Variants in SLC41A1 observed in about 807,000 individuals in gnomAD.
SLC41A1 encodes solute carrier family 41 (magnesium transporter), member 1.
In SLC41A1, 20 loss-of-function variants were observed where a neutral mutation model predicts 47.3. The ratio of observed to expected loss-of-function variants is 0.42; its 90% CI spans 0.30 to 0.61. The LOEUF is 0.61. SLC41A1 is among the 20% of genes least tolerant of loss of function. SLC41A1 has a pLI of 0.17. For missense variants in SLC41A1, 504 were observed against 674.1 expected, an observed-to-expected ratio of 0.75 and a Z score of 2.79; for synonymous variants, 282 against 272.7, an observed-to-expected ratio of 1.03 and a Z score of -0.34.
Position 205,798,483 on chromosome 1 carries a change from C to T in SLC41A1, c.844+186G>A, listed in dbSNP as rs556347769. Among the ~76,000 whole-genome samples, 7 of 152,286 alleles carry T rather than the reference C, an allele frequency of 4.6e-5. No individual in the cohort carries two copies. In the South Asian group the frequency reaches 1.2e-3, roughly 27 times the overall value. On this transcript the variant is annotated intron_variant, in intron 6 of 10. Transcript: ENST00000367137. ...TATACTTCTGATACTTTTCCCCTGC[C>T]CCTGATGCCTGCTTGAATTTGAGAT...
rs768515223 is a variant in SLC41A1 at position 205,797,911 on chromosome 1, T to C, written c.985A>G (p.Ile329Val). The C allele has an allele frequency of 3.1e-6, 5 of 1,614,144 alleles. No homozygotes were observed. Among genetic ancestry groups the C allele is most frequent in the Middle Eastern group, 1.7e-4 (1 of 6,040 alleles). The change falls in exon 7 of 11, where the codon ATC becomes GTC. Residue 329 changes from isoleucine to valine, a missense_variant. Ile to Val is a conservative substitution (Grantham distance 29, BLOSUM62 3). Transcript: ENST00000367137. ...GWEPVIIAMA[I>V]SSVGGLILDK... Reference sequence around the variant, plus strand: ...CTCAGGGCCCCAGCCTACCTGCTGATGGCCATGGCAATGATAACAGGCTCC... The same window carrying C: ...CTCAGGGCCCCAGCCTACCTGCTGACGGCCATGGCAATGATAACAGGCTCC...
At chr1:205,800,347 C>CT (rs1655850824) in intron 3 of SLC41A1, among the ~76,000 whole-genome samples, 2 of 152,340 alleles carry the variant, frequency 1.3e-5, no homozygotes, top group Admixed American at 6.5e-5. Flanking sequence ...ACTCTTGACC[C>CT]TGCAGGGAGA....
At chr1:205,797,679 CT>C (rs1281458282) in intron 7 of SLC41A1, among the ~76,000 whole-genome samples, 1 of 152,190 alleles carries the variant, frequency 6.6e-6, no homozygotes, top group Non-Finnish European at 1.5e-5. Flanking sequence ...AGGTATGTCG[CT>C]GAATTCAGCT....
At position 205,812,857 on chromosome 1, in the gene SLC41A1, C is replaced by T. The variant is rs1656191430; in HGVS notation, c.-696G>A. 2 of 985,366 alleles carry T rather than the reference C, an allele frequency of 2.0e-6. No individual in the cohort carries two copies. The highest frequency in any genetic ancestry group is 1.1e-4 in the East Asian group (1 of 8,776). 61.0% of individuals were successfully genotyped at this position (985,366 alleles called of 1,614,324 possible). On this transcript the variant is annotated 5_prime_UTR_variant, in exon 1 of 11. Transcript: ENST00000367137. ...GGGCGCCTGGCAAGTGGCAGCGTGG[C>T]CCGTGGTCTCGGGGGGTGCAGGGCA... is the stretch of plus-strand genomic sequence containing the variant.
chr1:205,812,644 G>A (rs1656184726), intron 1 of SLC41A1, 164 bp downstream of exon 1: 2 of 629,940 alleles, frequency 3.2e-6, no homozygotes, highest in Non-Finnish European at 4.0e-6. Context: ...TCCCAGGCGG[G>A]GACAAAAAAG....
At chr1:205,800,534 G>T (rs1229775222) in intron 3 of SLC41A1, among the ~76,000 whole-genome samples, 2 of 151,978 alleles carry the variant, frequency 1.3e-5, no homozygotes, top group Non-Finnish European at 2.9e-5. Context: ...GGATGGCCGG[G>T]GGGCTGGGGG....
chr1:205,794,273 G>A (rs536841682), intron 10 of SLC41A1, among the ~76,000 whole-genome samples: 2 of 152,292 alleles, frequency 1.3e-5, no homozygotes, highest in African/African-American at 2.4e-5. Flanking sequence ...CCCATGGAGG[G>A]AAATTGGGTA....
intron 10 of SLC41A1, among the ~76,000 whole-genome samples, chr1:205,793,708 A>AT (rs1655676573): frequency 6.6e-6 from 1 of 152,236 alleles, no homozygotes; most frequent in South Asian, 2.1e-4. Context: ...ATATGGAATG[A>AT]TCTCAAAGAT....
intron 2 of SLC41A1, among the ~76,000 whole-genome samples, chr1:205,803,941 G>A (rs991395171): frequency 5.9e-5 from 9 of 152,202 alleles, no homozygotes; most frequent in Middle Eastern, 3.4e-3. Context: ...AATTCATAGA[G>A]GCGGAAAGAA....
At chr1:205,800,875 G>C in intron 3 of SLC41A1, 78 bp downstream of exon 3, 2 of 1,344,248 alleles carry the variant, frequency 1.5e-6, no homozygotes, top group East Asian at 4.6e-5. Context: ...AGAAGGGCTC[G>C]TAGCCCTCTC....
Position 205,813,136 on chromosome 1 carries a change from C to T in SLC41A1, c.-975G>A. Reference sequence around the variant, plus strand: ...CGAGCTCACGCGCCCCCAATCGCTTCTTGCCCGCGGACTCGGGCCCAACTG... The same window carrying T: ...CGAGCTCACGCGCCCCCAATCGCTTTTTGCCCGCGGACTCGGGCCCAACTG... On this transcript the variant is annotated 5_prime_UTR_variant, in exon 1 of 11. Transcript: ENST00000367137. 1 of 985,646 alleles carries T rather than the reference C, an allele frequency of 1.0e-6. No homozygotes were observed. The highest frequency in any genetic ancestry group is 1.7e-5 in the African/African-American group (1 of 57,374). 61.1% of individuals were successfully genotyped at this position (985,646 alleles called of 1,614,324 possible).
chr1:205,802,923 C>A (rs1465248440), intron 2 of SLC41A1, among the ~76,000 whole-genome samples: 1 of 152,126 alleles, frequency 6.6e-6, no homozygotes, highest in Non-Finnish European at 1.5e-5. Context: ...AATCCCAGCA[C>A]TTTGGGAGGC....
intron 8 of SLC41A1, 25 bp from the exon 9 acceptor site, chr1:205,795,503 A>T: frequency 6.2e-7 from 1 of 1,614,044 alleles, no homozygotes; most frequent in Non-Finnish European, 8.5e-7. Context: ...ACGGGCTTAG[A>T]CACAGACAGA....
chr1:205,803,632 C>CTTTTTTTT (rs140199204), intron 2 of SLC41A1, among the ~76,000 whole-genome samples: 1 of 121,036 alleles, frequency 8.3e-6, no homozygotes, highest in African/African-American at 2.9e-5. Flanking sequence ...TAGTCAAATT[C>CTTTTTTTT]TTTTTTTTTT....
chr1:205,800,117 C>T (rs181886213), intron 3 of SLC41A1, among the ~76,000 whole-genome samples: 1 of 152,318 alleles, frequency 6.6e-6, no homozygotes, highest in Admixed American at 6.5e-5. Context: ...CTATCCTTTG[C>T]CCTGCTTATC....
At chr1:205,799,611 A>G (rs905425833) in intron 4 of SLC41A1, 148 bp downstream of exon 4, 6 of 860,210 alleles carry the variant, frequency 7.0e-6, no homozygotes, top group African/African-American at 6.7e-5. Flanking sequence ...TGGGTAACCT[A>G]GTTACCTCCT....
intron 2 of SLC41A1, among the ~76,000 whole-genome samples, chr1:205,801,669 T>C (rs892687401): frequency 6.6e-6 from 1 of 152,032 alleles, no homozygotes; most frequent in African/African-American, 2.4e-5. Context: ...CTCTGTGCAC[T>C]GCCTTACCCC....
intron 2 of SLC41A1, among the ~76,000 whole-genome samples, chr1:205,805,485 G>C (rs948706711): frequency 6.6e-6 from 1 of 152,150 alleles, no homozygotes; most frequent in African/African-American, 2.4e-5. Context: ...ATCCAGGCTA[G>C]GAGTATCTGC....
Position 205,810,532 on chromosome 1 carries a change from G to T in SLC41A1, c.-91C>A. The T allele has an allele frequency of 1.9e-6, 3 of 1,603,554 alleles. No individual in the cohort carries two copies. Among genetic ancestry groups the T allele is most frequent in the Non-Finnish European group, 2.5e-6 (3 of 1,177,212 alleles). ...AACTTGGGAAAGAACTTAGTCTTGGGGTGAACCCAGGCTTGGGCGCCGCAG... is the reference window on the plus strand; with the variant it reads ...AACTTGGGAAAGAACTTAGTCTTGGTGTGAACCCAGGCTTGGGCGCCGCAG... On this transcript the variant is annotated 5_prime_UTR_variant, in exon 2 of 11. Coordinates refer to ENST00000367137, the MANE Select transcript of SLC41A1 (RefSeq NM_173854.6). This position sits in a 1 kb window ranked among gnomAD's most constrained non-coding sequence, Gnocchi z 5.5.
Sources: allele counts gnomAD v4.1 joint callset (sites outside exome capture counted in the v4.1 genomes callset), GRCh38; gene constraint gnomAD v4.1.1; non-coding constraint Gnocchi (gnomAD v3.1); transcripts MANE v1.5; gene names NCBI Gene and HGNC (gene_info 2026-07-23, HGNC 2026-07-21).